MXD3: variants seen among roughly 807,000 people sequenced by gnomAD.
MXD3 encodes MAX dimerization protein 3, also known as Max-associated protein 3.
A neutral mutation model predicts 27.5 loss-of-function variants in MXD3; 20 were observed. That is an observed-to-expected ratio of 0.73 (90% CI 0.51 to 1.06). The LOEUF (loss-of-function observed/expected upper bound fraction) is 1.06. Among genes scored for constraint, MXD3 ranks in the 50% least tolerant of loss-of-function variants. MXD3 has a pLI of 0.00. For synonymous variants in MXD3, 150 were observed against 130.7 expected (o/e 1.15, Z -1.01); for missense variants, 298 against 291.3 (o/e 1.02, Z -0.17).
At chr5:177,312,747 A>T (rs1024448195), upstream of MXD3, 4 of 985,396 alleles carry the variant, frequency 4.1e-6, no homozygotes, top group African/African-American at 7.0e-5. Context: ...GGCACGCGAA[A>T]TGGCCTTTTC....
At chr5:177,306,617 T>C (rs757628056), downstream of MXD3, 46 of 1,575,382 alleles carry the variant, frequency 2.9e-5, no homozygotes, top group South Asian at 5.2e-4. Context: ...GCTTAGCCTC[T>C]CTGCCCTCCC....
chr5:177,309,466 G>A (rs914249128), intron 4 of MXD3, among the ~76,000 whole-genome samples: 3 of 152,176 alleles, frequency 2.0e-5, no homozygotes, highest in Non-Finnish European at 4.4e-5. Flanking sequence ...ACCAGGCCAG[G>A]CAAGCTCCGT....
In MXD3 at chr5:177,307,870, C is replaced by A. The variant is rs760614072; in HGVS notation, c.416G>T (p.Gly139Val). 3 of 1,608,742 alleles carry A rather than the reference C, an allele frequency of 1.9e-6. No homozygotes were observed. In the African/African-American group the frequency reaches 4.0e-5, roughly 21 times the overall value. Reference sequence around the variant, plus strand: ...CTCCCGCTCGGCCGCCCCTGCCAGCCCCCGGAGCTGCTCCAGCTGCCGCTG... The same window carrying A: ...CTCCCGCTCGGCCGCCCCTGCCAGCACCCGGAGCTGCTCCAGCTGCCGCTG... ...SLQRQLEQLRGLAGAAERERL... is the reference protein window; with the variant it reads ...SLQRQLEQLRVLAGAAERERL... The change falls in exon 5 of 6, where the codon GGG becomes GTG. Residue 139 changes from glycine to valine, a missense_variant. Gly to Val is a moderately radical substitution (Grantham distance 109, BLOSUM62 -3). Transcript: ENST00000439742.
chr5:177,306,519 C>T (rs111655533), downstream of MXD3: 40 of 1,612,646 alleles, frequency 2.5e-5, no homozygotes, highest in Admixed American at 5.0e-5. Context: ...CCAAGGACCT[C>T]GCCAGCAAGG....
Position 177,307,237 on chromosome 5 carries a change from C to T in MXD3, c.*351G>A, listed in dbSNP as rs1760901787. The T allele has an allele frequency of 6.4e-7, 1 of 1,551,672 alleles. No homozygotes were observed. Among genetic ancestry groups the T allele is most frequent in the South Asian group, 1.2e-5 (1 of 84,056 alleles). ...ATGAAAGAGGCTTTTAATGAAAATA[C>T]TGTACAGTTTATGTGAGGCAAAGGC... On this transcript the variant is annotated 3_prime_UTR_variant, in exon 6 of 6. Coordinates refer to ENST00000439742, the MANE Select transcript of MXD3 (RefSeq NM_031300.4).
chr5:177,310,397 G>A lies in MXD3; in HGVS notation c.321+29C>T, dbSNP rs566550222. The stretch of plus-strand genomic sequence containing the variant: ...CACAGCCCTCCATACACCAGGGCAA[G>A]CCAGTCCGGGCGCAGTGGGGGGCCT... On this transcript the variant is annotated intron_variant, in intron 4 of 5. Transcript: ENST00000439742. 3.2e-6 allele frequency: 5 copies of A among 1,581,796 alleles called. No homozygotes were observed. The Admixed American group carries it at 5.1e-5, about 16-fold the overall frequency.
chr5:177,312,312 G>C (rs1761057952), upstream of MXD3: 1 of 986,624 alleles, frequency 1.0e-6, no homozygotes, highest in Non-Finnish European at 1.2e-6. Context: ...TCCGGCCGCC[G>C]CTCGCCCATT....
chr5:177,312,286 C>T, upstream of MXD3: 1 of 986,560 alleles, frequency 1.0e-6, no homozygotes, highest in Non-Finnish European at 1.2e-6. Flanking sequence ...CACGTGGGTG[C>T]CGCGGGGGCG....
upstream of MXD3, chr5:177,311,967 A>G (rs1761050694): frequency 5.3e-6 from 7 of 1,329,636 alleles, no homozygotes; most frequent in Non-Finnish European, 5.8e-6. Flanking sequence ...CGCCCGCGGG[A>G]ACGCCCAGCC....
rs1581592620 is a variant in MXD3, at chr5:177,311,824, G to A, written c.7C>T (p.Pro3Ser). 6.2e-7 allele frequency: 1 copy of A among 1,612,042 alleles called. No homozygotes were observed. Among genetic ancestry groups the A allele is most frequent in the Non-Finnish European group, 8.5e-7 (1 of 1,179,008 alleles). Reference sequence around the variant, plus strand: ...AGGACCTGGATGTTGCTGGCCAAGGGTTCCATGTCGGCGACAGCTGGCGGC... The same window carrying A: ...AGGACCTGGATGTTGCTGGCCAAGGATTCCATGTCGGCGACAGCTGGCGGC... ME[P>S]LASNIQVLLQ... Residue 3 changes from proline (P) to serine (S), a missense_variant, in exon 1 of 6, where the codon CCC (proline) becomes TCC (serine). Pro to Ser is a moderately conservative substitution (Grantham distance 74, BLOSUM62 -1). Transcript: ENST00000439742.
chr5:177,310,328 C>T (rs1047932218), intron 4 of MXD3, 98 bp downstream of exon 4: 1 of 884,786 alleles, frequency 1.1e-6, no homozygotes, highest in African/African-American at 1.7e-5. Flanking sequence ...TTCTTGAGCT[C>T]TGACCTCAGG....
At chr5:177,306,209 G>T, downstream of MXD3, 1 of 1,594,472 alleles carries the variant, frequency 6.3e-7, no homozygotes, top group South Asian at 1.1e-5. Context: ...ATTCCTCATA[G>T]GGAGAGGCTC....
downstream of MXD3, chr5:177,306,198 T>C: frequency 6.2e-7 from 1 of 1,601,244 alleles, no homozygotes; most frequent in Non-Finnish European, 8.6e-7. Flanking sequence ...GGTATGTGGA[T>C]ATTCCTCATA....
chr5:177,305,586 G>C (rs1760845582), downstream of MXD3: 1 of 436,430 alleles, frequency 2.3e-6, no homozygotes. Flanking sequence ...GCGTCTAGAT[G>C]CACAAAACAA....
intron 4 of MXD3, 188 bp from the exon 5 acceptor site, chr5:177,308,152 C>CA: frequency 1.7e-6 from 1 of 592,292 alleles, no homozygotes; most frequent in Non-Finnish European, 3.0e-6. Context: ...CGGCCATGCA[C>CA]ACGTCCTGTC....
At chr5:177,311,978 C>A, upstream of MXD3, 1 of 1,314,666 alleles carries the variant, frequency 7.6e-7, no homozygotes, top group Non-Finnish European at 9.8e-7. Flanking sequence ...ACGCCCAGCC[C>A]TTGGCTCCGC....
Position 177,311,440 on chromosome 5 carries a change from C to T in MXD3, c.115G>A (p.Gly39Ser). 4.8e-6 allele frequency: 7 copies of T among 1,445,918 alleles called. No homozygotes were observed. The highest frequency in any genetic ancestry group is 6.3e-6 in the Non-Finnish European group (7 of 1,103,904). 89.6% of individuals were successfully genotyped at this position (1,445,918 alleles called of 1,614,324 possible). ...YASLCPHRSP[G>S]PIHRRKKRPP... ...CGCTTCTTCCTCCTGTGGATGGGGC[C>T]TGGACTGCGATGCGGGCACAGGGAC... Residue 39 changes from glycine to serine, a missense_variant, in exon 2 of 6, where the codon GGC becomes AGC. Coordinates refer to ENST00000439742, the MANE Select transcript of MXD3 (RefSeq NM_031300.4).
downstream of MXD3, chr5:177,306,633 T>C (rs556703745): frequency 1.9e-6 from 3 of 1,550,702 alleles, no homozygotes; most frequent in East Asian, 7.2e-5. Flanking sequence ...CTCCCTTCAT[T>C]GTACTTTATC....
intron 3 of MXD3, 59 bp from the exon 4 acceptor site, chr5:177,310,599 C>T (rs1761012198): frequency 6.2e-7 from 1 of 1,612,856 alleles, no homozygotes; most frequent in South Asian, 1.1e-5. Flanking sequence ...ACAGGAATGG[C>T]AGGGGAGGGA....
Sources: gnomAD v4.1 joint callset for allele counts (sites outside exome capture counted in the v4.1 genomes callset) on GRCh38, gnomAD v4.1.1 for gene constraint, MANE v1.5 for transcripts, NCBI Gene and HGNC (gene_info 2026-07-23, HGNC 2026-07-21) for gene names.